MYBPC2: variants seen among roughly 807,000 people sequenced by gnomAD.
MYBPC2 encodes the protein myosin-binding protein C, fast-type.
Under a neutral mutation model 137.0 loss-of-function variants are expected in MYBPC2, and 122 were observed. The observed-to-expected ratio is 0.89, with a 90% confidence interval of 0.77 to 1.03. MYBPC2 has a LOEUF of 1.03. Ranked by LOEUF, MYBPC2 falls within the 50% of genes least tolerant of loss-of-function variation. MYBPC2 has a pLI of 0.00. For missense variants in MYBPC2, 1,500 were observed against 1,534.4 expected (o/e 0.98, Z 0.37); for synonymous variants, 626 against 612.3 (o/e 1.02, Z -0.33).
In MYBPC2 at chr19:50,460,162, G is replaced by A. The variant is rs1454438576; in HGVS notation, c.2914G>A (p.Ala972Thr). 4 of 1,601,954 alleles carry A rather than the reference G, an allele frequency of 2.5e-6. No homozygotes were observed. Among genetic ancestry groups the A allele is most frequent in the Admixed American group, 1.7e-5 (1 of 57,910 alleles). ...GATCATGGGGTATTTCGTCCAGAAA[G>A]CAGACAAAAAAACCATGGTGAGAGA... is the stretch of plus-strand genomic sequence containing the variant. ...SEIMGYFVQK[A>T]DKKTMEWFNV... The change falls in exon 24 of 28, where the codon GCA becomes ACA. Residue 972 changes from alanine (A) to threonine (T), a missense_variant. Ala to Thr is a moderately conservative substitution (Grantham distance 58). Transcript: ENST00000357701.
At chr19:50,458,522 G>A (rs1413658443) in intron 20 of MYBPC2, 65 bp from the exon 21 acceptor site, 17 of 1,570,774 alleles carry the variant, frequency 1.1e-5, no homozygotes, top group African/African-American at 4.0e-5. Flanking sequence ...CCAAGTCCCC[G>A]GGAGAAACGG....
chr19:50,453,874 A>C (rs2039882413), intron 16 of MYBPC2, 146 bp from the exon 17 acceptor site: 1 of 899,380 alleles, frequency 1.1e-6, no homozygotes, highest in African/African-American at 1.7e-5. Flanking sequence ...CGGCATTTGG[A>C]GGGCGAGGAG....
chr19:50,464,545 C>T lies in MYBPC2; in HGVS notation c.3415+13C>T, dbSNP rs766242181. 6.3e-7 allele frequency: 1 copy of T among 1,591,986 alleles called. No individual in the cohort carries two copies. The highest frequency in any genetic ancestry group is 1.3e-5 in the African/African-American group (1 of 74,738). ...CTGGAGGTCCGAGGTGAGGGCGTGG[C>T]CATCCCCAACACTGGCTGACCCTTG... On this transcript the variant is annotated intron_variant, in intron 27 of 27. Transcript: ENST00000357701.
chr19:50,448,918 CA>C (rs1428711105), intron 13 of MYBPC2, among the ~76,000 whole-genome samples: 1 of 151,902 alleles, frequency 6.6e-6, no homozygotes, highest in Non-Finnish European at 1.5e-5. Flanking sequence ...TTAGTCAAGA[CA>C]GAGTTTCACC....
Position 50,455,301 on chromosome 19 carries a change from T to C in MYBPC2, c.2203+5T>C. ...CCAAGCCTTTTATGCCTATTGGTAA[T>C]GTCCTCCCTCACTTTTATGCCTATT... On this transcript the variant is annotated splice_donor_5th_base_variant and intron_variant, in intron 19 of 27. Transcript: ENST00000357701. 1 of 1,612,138 alleles carries C rather than the reference T, an allele frequency of 6.2e-7. No individual in the cohort carries two copies. The highest frequency in any genetic ancestry group is 8.5e-7 in the Non-Finnish European group (1 of 1,178,584).
At chr19:50,453,561 A>G (rs1402253754) in intron 16 of MYBPC2, among the ~76,000 whole-genome samples, 1 of 148,920 alleles carries the variant, frequency 6.7e-6, no homozygotes, top group Non-Finnish European at 1.5e-5. Flanking sequence ...TTTTTTTGAG[A>G]TGGAGTTTTG....
rs1162187306 is a variant in MYBPC2, at chr19:50,437,676, A to T, written c.530A>T (p.Asp177Val). 2 of 1,605,140 alleles carry T rather than the reference A, an allele frequency of 1.2e-6. No individual in the cohort carries two copies. The highest frequency in any genetic ancestry group is 2.2e-5 in the East Asian group (1 of 44,664). ...SFKRTSEKKS[D>V]TAGELDFSGL... is the part of the protein sequence containing the mutation. The stretch of plus-strand genomic sequence containing the variant: ...GGCCACAGGAGTGAAAAGAAGTCGG[A>T]TACTGCAGGTGAGCTGGATTTCAGT... Residue 177 changes from aspartate (D) to valine (V), a missense_variant, in exon 7 of 28, where the codon GAT becomes GTT. Coordinates refer to ENST00000357701, the MANE Select transcript of MYBPC2 (RefSeq NM_004533.4).
intron 26 of MYBPC2, 80 bp downstream of exon 26, chr19:50,462,116 C>G (rs780822209): frequency 2.1e-6 from 3 of 1,459,758 alleles, no homozygotes; most frequent in African/African-American, 1.4e-5. Flanking sequence ...CTCCCCATCA[C>G]GCCAGTTCTT....
intron 13 of MYBPC2, among the ~76,000 whole-genome samples, chr19:50,449,164 C>A (rs2039834103): frequency 6.6e-6 from 1 of 152,134 alleles, no homozygotes; most frequent in African/African-American, 2.4e-5. Flanking sequence ...GCCTGGGCAA[C>A]ATAGTGAGAC....
chr19:50,435,784 C>A lies in MYBPC2; in HGVS notation c.118C>A (p.Pro40Thr). The change falls in exon 3 of 28, where the codon CCC (proline) becomes ACC (threonine). Residue 40 changes from proline (P) to threonine (T), a missense_variant. Physicochemically the swap from Pro to Thr is conservative, Grantham distance 38. Coordinates refer to ENST00000357701, the MANE Select transcript of MYBPC2 (RefSeq NM_004533.4). The surrounding 1 kb of genome is among the most constrained non-coding windows in gnomAD (Gnocchi z 4.8). ...APAEAPKEAP[P>T]EDQSPTAEEP... is the part of the protein sequence containing the mutation. ...TCCTGTCCCCTGAACAGAAGCCCCA[C>A]CCGAGGACCAGTCCCCGACTGCAGA... 3.7e-6 allele frequency: 6 copies of A among 1,609,960 alleles called. No homozygotes were observed. Among genetic ancestry groups the A allele is most frequent in the African/African-American group, 1.3e-5 (1 of 74,962 alleles).
rs771856464 is a variant in MYBPC2, at chr19:50,443,760, GGGTGACCGGGTGGAAATGGCAGTGGA to G, written c.1082_1107del (p.Asp361ValfsTer60). ...CTCTTGAGGACCAGCAGGTGTTTGT[GGGTGACCGGGTGGAAATGGCAGTGGA>G]GGTGTCAGAAGAGGGTGCCCAGGTG... On this transcript the variant is annotated frameshift_variant, in exon 11 of 28. Transcript: ENST00000357701. LOFTEE classifies it high-confidence loss of function. The G allele has an allele frequency of 6.2e-7, 1 of 1,613,892 alleles. No individual in the cohort carries two copies. Among genetic ancestry groups the G allele is most frequent in the Admixed American group, 1.7e-5 (1 of 60,004 alleles).
intron 12 of MYBPC2, among the ~76,000 whole-genome samples, chr19:50,446,319 T>C (rs902274687): frequency 6.6e-6 from 1 of 151,984 alleles, no homozygotes; most frequent in Admixed American, 6.6e-5. Flanking sequence ...GAGACCAGCC[T>C]GGCCAACATG....
chr19:50,452,046 A>G (rs758114017), intron 16 of MYBPC2, 43 bp downstream of exon 16: 2 of 1,533,752 alleles, frequency 1.3e-6, no homozygotes, highest in South Asian at 2.4e-5. Flanking sequence ...CTTTCCGTTT[A>G]GGCAAGTCTC....
intron 12 of MYBPC2, among the ~76,000 whole-genome samples, chr19:50,447,834 G>A (rs1480617461): frequency 6.6e-6 from 1 of 151,958 alleles, no homozygotes; most frequent in Non-Finnish European, 1.5e-5. Context: ...TCCAGCCTGG[G>A]CGACAAGAGT....
chr19:50,436,775 T>C lies in MYBPC2; in HGVS notation c.463+41T>C, dbSNP rs1188168724. The C allele has an allele frequency of 7.6e-6, 12 of 1,572,622 alleles. No individual in the cohort carries two copies. In the South Asian group the frequency reaches 1.3e-4, roughly 18 times the overall value. ...ATGCGGGAGCAAAGGGTTCTATGTC[T>C]GGGTGGGGTGGACAGATGTACCAGC... On this transcript the variant is annotated intron_variant, in intron 5 of 27. Transcript: ENST00000357701.
intron 16 of MYBPC2, among the ~76,000 whole-genome samples, chr19:50,453,326 T>TA (rs1356688483): frequency 6.6e-6 from 1 of 151,880 alleles, no homozygotes; most frequent in Non-Finnish European, 1.5e-5. Flanking sequence ...CTGGCTGAGA[T>TA]AAAGGGAGGT....
chr19:50,451,822 C>G, intron 15 of MYBPC2, 42 bp from the exon 16 acceptor site: 2 of 1,569,202 alleles, frequency 1.3e-6, no homozygotes, highest in Non-Finnish European at 1.7e-6. Context: ...GAAGGCCCAG[C>G]CTCCCACTCC....
chr19:50,438,010 T>C (rs2039719365), intron 7 of MYBPC2, among the ~76,000 whole-genome samples: 1 of 152,104 alleles, frequency 6.6e-6, no homozygotes, highest in Non-Finnish European at 1.5e-5. Context: ...ACACCCACTC[T>C]GCTGTTCACT....
chr19:50,450,901 C>T lies in MYBPC2; in HGVS notation c.1545C>T (p.Tyr515=), dbSNP rs576965743. ...EGDYTFVPDG[Y]ALSLSAKLNF... is the part of the protein sequence containing the mutation. ...ACTACACGTTTGTGCCTGACGGCTACGCCCTGTCGCTCTCGGCCAAGCTCA... is the reference window on the plus strand; with the variant it reads ...ACTACACGTTTGTGCCTGACGGCTATGCCCTGTCGCTCTCGGCCAAGCTCA... The change falls in exon 14 of 28, where the codon TAC becomes TAT. Residue 515 remains tyrosine (Y), a synonymous_variant. Coordinates refer to ENST00000357701, the MANE Select transcript of MYBPC2 (RefSeq NM_004533.4). 2.6e-5 allele frequency: 41 copies of T among 1,575,606 alleles called. No individual in the cohort carries two copies. Among genetic ancestry groups the T allele is most frequent in the Admixed American group, 5.5e-5 (3 of 54,410 alleles).
Sources: gnomAD v4.1 joint callset for allele counts (sites outside exome capture counted in the v4.1 genomes callset) on GRCh38, gnomAD v4.1.1 for gene constraint, Gnocchi (gnomAD v3.1) non-coding constraint, MANE v1.5 for transcripts, NCBI Gene and HGNC (gene_info 2026-07-23, HGNC 2026-07-21) for gene names.